SFXN2: variants seen among roughly 807,000 people sequenced by gnomAD.
The protein encoded by SFXN2 is sideroflexin-2.
A neutral mutation model predicts 41.9 loss-of-function variants in SFXN2; 37 were observed. The observed-to-expected ratio is 0.88, with a 90% CI of 0.68 to 1.16. SFXN2 has a LOEUF of 1.16. Ranked by LOEUF, SFXN2 falls within the 50% of genes most tolerant of loss-of-function variation. SFXN2 has a pLI of 0.00. For synonymous variants in SFXN2, 150 were observed against 156.7 expected (o/e 0.96, Z 0.32); for missense variants, 386 against 425.2 (o/e 0.91, Z 0.81).
chr10:102,723,376 C>T (rs1203679472), intron 1 of SFXN2, among the ~76,000 whole-genome samples: 2 of 151,842 alleles, frequency 1.3e-5, no homozygotes, highest in African/African-American at 2.4e-5. Context: ...CTCAGCCTCC[C>T]GAATTGCTGA....
rs2064798270 is a variant in SFXN2 at position 102,737,580 on chromosome 10, G to A, written c.870-83G>A. On this transcript the variant is annotated intron_variant, in intron 11 of 11. Coordinates refer to ENST00000369893, the MANE Select transcript of SFXN2 (RefSeq NM_178858.6). ...AATCCTAGATGGAAAAATCAGGAGGGCTTCTTGGAGGTGATATTCATCTGA... is the reference window on the plus strand; with the variant it reads ...AATCCTAGATGGAAAAATCAGGAGGACTTCTTGGAGGTGATATTCATCTGA... 81 of 855,400 alleles carry A rather than the reference G, an allele frequency of 9.5e-5. No homozygotes were observed. In the South Asian group the frequency reaches 1.0e-3, roughly 11 times the overall value. The allele number at this position is 855,400 out of a possible 1,614,324, so 53.0% of individuals were successfully genotyped here.
chr10:102,718,639 C>A (rs189329204), intron 1 of SFXN2, among the ~76,000 whole-genome samples: 1 of 152,360 alleles, frequency 6.6e-6, no homozygotes, highest in East Asian at 1.9e-4. Context: ...GCTGTGGATA[C>A]TCCATATTGA....
At chr10:102,717,748 A>G in intron 1 of SFXN2, 1 of 985,450 alleles carries the variant, frequency 1.0e-6, no homozygotes, top group Non-Finnish European at 1.2e-6. Context: ...CTTGATGCCA[A>G]GAGACCCAAG....
chr10:102,735,748 C>A, intron 10 of SFXN2, 114 bp from the exon 11 acceptor site: 1 of 1,022,202 alleles, frequency 9.8e-7, no homozygotes, highest in Non-Finnish European at 1.6e-6. Context: ...GGATATGGTG[C>A]CAGCTGGGAA....
rs1842809501 is a variant in SFXN2, at chr10:102,742,915, C to T, written c.*5153C>T. 1 of 152,178 alleles carries T rather than the reference C, an allele frequency of 6.6e-6. No homozygotes were observed. Among genetic ancestry groups the T allele is most frequent in the South Asian group, 2.1e-4 (1 of 4,834 alleles). The allele number at this position is 152,178 out of a possible 1,614,324, so 9.4% of individuals were successfully genotyped here. ...AAGTGTTACAAGAATCCAGAAGAAG[C>T]AGCAAGGAGATGGGGCTAGGAGTTT... is the stretch of plus-strand genomic sequence containing the variant. On this transcript the variant is annotated 3_prime_UTR_variant, in exon 12 of 12. Transcript: ENST00000369893.
At chr10:102,722,879 A>G (rs1374777258) in intron 1 of SFXN2, among the ~76,000 whole-genome samples, 3 of 148,948 alleles carry the variant, frequency 2.0e-5, no homozygotes, top group Non-Finnish European at 4.4e-5. Flanking sequence ...CTTGTAAGTC[A>G]GGTCTGCCAG....
At chr10:102,717,822 C>A (rs192519837) in intron 1 of SFXN2, 2 of 982,768 alleles carry the variant, frequency 2.0e-6, no homozygotes, top group Non-Finnish European at 2.4e-6. Flanking sequence ...AAACATGTAG[C>A]AGTAAACATC....
chr10:102,717,829 C>T, intron 1 of SFXN2: 1 of 979,356 alleles, frequency 1.0e-6, no homozygotes, highest in Non-Finnish European at 1.2e-6. Flanking sequence ...TAGCAGTAAA[C>T]ATCACAGACA....
At chr10:102,721,504 TTA>T (rs201348856) in intron 1 of SFXN2, among the ~76,000 whole-genome samples, 4,551 of 147,956 alleles carry the variant, frequency 0.031, 257 homozygotes, top group African/African-American at 0.1. Context: ...TATATTATTT[TTA>T]TATGTTATAT....
In SFXN2 at chr10:102,715,095, C is replaced by T. The variant is rs926589473; in HGVS notation, c.-26+414C>T. 7.9e-5 allele frequency: 12 copies of T among 152,664 alleles called. 1 individual carries two copies. Among genetic ancestry groups the T allele is most frequent in the African/African-American group, 2.9e-4 (12 of 41,602 alleles). 9.5% of individuals were successfully genotyped at this position (152,664 alleles called of 1,614,324 possible). On this transcript the variant is annotated intron_variant, in intron 1 of 11. Coordinates refer to ENST00000369893, the MANE Select transcript of SFXN2 (RefSeq NM_178858.6). ...TCGCCCGGGCCGGAGTGCGGTGGCG[C>T]GATCTCGGCTCACTGCAGCCTTTGC...
chr10:102,725,928 TTTTG>T (rs780402569), intron 1 of SFXN2, among the ~76,000 whole-genome samples: 22 of 152,058 alleles, frequency 1.4e-4, no homozygotes, highest in Non-Finnish European at 2.8e-4. Flanking sequence ...TTGGGTGTTT[TTTTG>T]TTTGTTTGTT....
intron 2 of SFXN2, 45 bp downstream of exon 2, chr10:102,726,842 TG>T: frequency 6.2e-7 from 1 of 1,608,788 alleles, no homozygotes; most frequent in Non-Finnish European, 8.5e-7. Flanking sequence ...GTAACATTGA[TG>T]GGGTCCTCTT....
Position 102,743,441 on chromosome 10 carries a change from T to TAATAGTG in SFXN2, c.*5680_*5686dup, listed in dbSNP as rs1327963736. On this transcript the variant is annotated 3_prime_UTR_variant, in exon 12 of 12. Transcript: ENST00000369893. ...GTTGAGACCAAGAGAGGCATCCTGG[T>TAATAGTG]AATAGTGCTGTGCTTCAAGACAAAA... 6.6e-6 allele frequency: 1 copy of TAATAGTG among 152,306 alleles called. No individual in the cohort carries two copies. The highest frequency in any genetic ancestry group is 2.4e-5 in the African/African-American group (1 of 41,468). 9.4% of individuals were successfully genotyped at this position (152,306 alleles called of 1,614,324 possible).
rs376549633 is a variant in SFXN2 at position 102,742,523 on chromosome 10, A to C, written c.*4761A>C. The stretch of plus-strand genomic sequence containing the variant: ...CAGGCTGGAGTACAGTGGCACAATC[A>C]AGGCTCATTGCAGCTTCAATCTCCC... On this transcript the variant is annotated 3_prime_UTR_variant, in exon 12 of 12. Coordinates refer to ENST00000369893, the MANE Select transcript of SFXN2 (RefSeq NM_178858.6). The C allele has an allele frequency of 6.7e-6, 1 of 149,892 alleles. No individual in the cohort carries two copies. Among genetic ancestry groups the C allele is most frequent in the African/African-American group, 2.5e-5 (1 of 40,236 alleles). The allele number at this position is 149,892 out of a possible 1,614,324, so 9.3% of individuals were successfully genotyped here. A position where few individuals can be genotyped will look rare whatever the true frequency, so the allele number is the denominator to read the frequency against.
intron 8 of SFXN2, among the ~76,000 whole-genome samples, chr10:102,732,478 G>T (rs1457549101): frequency 2.6e-5 from 4 of 152,354 alleles, no homozygotes; most frequent in South Asian, 4.1e-4. Flanking sequence ...ACAGTGTGGG[G>T]TGCTAGGGAG....
rs974065590 is a variant in SFXN2, at chr10:102,738,442, C to T, written c.*680C>T. The T allele has an allele frequency of 2.0e-5, 3 of 152,188 alleles. No homozygotes were observed. The highest frequency in any genetic ancestry group is 2.9e-5 in the Non-Finnish European group (2 of 68,084). The allele number at this position is 152,188 out of a possible 1,614,324, so 9.4% of individuals were successfully genotyped here. A position where few individuals can be genotyped will look rare whatever the true frequency, so the allele number is the denominator to read the frequency against. On this transcript the variant is annotated 3_prime_UTR_variant, in exon 12 of 12. Transcript: ENST00000369893. Reference sequence around the variant, plus strand: ...CTCTCAAGTAGCTGGGATTACAGGGCACCTGCCACCACGCCTGGCTAATTT... The same window carrying T: ...CTCTCAAGTAGCTGGGATTACAGGGTACCTGCCACCACGCCTGGCTAATTT...
At chr10:102,733,747 G>C in intron 10 of SFXN2, 144 bp downstream of exon 10, 1 of 703,588 alleles carries the variant, frequency 1.4e-6, no homozygotes, top group South Asian at 1.7e-5. Flanking sequence ...GGTCCATCTG[G>C]AAAGCTCTCA....
At position 102,729,328 on chromosome 10, in the gene SFXN2, C is replaced by T. The variant is rs1156903669; in HGVS notation, c.441C>T (p.Ala147=). The change falls in exon 5 of 12, where the codon GCC becomes GCT. Residue 147 remains alanine, a synonymous_variant. Coordinates refer to ENST00000369893, the MANE Select transcript of SFXN2 (RefSeq NM_178858.6). ...AASPTSVRQM[A]LSYFTATTTA... ...CTCTCTCCTCCCCCAGGCAGATGGC[C>T]CTTTCCTACTTCACAGCCACAACCA... is the stretch of plus-strand genomic sequence containing the variant. 2.5e-6 allele frequency: 4 copies of T among 1,614,054 alleles called. No individual in the cohort carries two copies. The highest frequency in any genetic ancestry group is 3.4e-6 in the Non-Finnish European group (4 of 1,180,010).
chr10:102,737,500 G>T lies in SFXN2; in HGVS notation c.870-163G>T, dbSNP rs2064797366. Among the ~76,000 whole-genome samples, 4 of 152,192 alleles carry T rather than the reference G, an allele frequency of 2.6e-5. No individual in the cohort carries two copies. In the South Asian group the frequency reaches 8.3e-4, roughly 31 times the overall value. On this transcript the variant is annotated intron_variant, in intron 11 of 11. Transcript: ENST00000369893. The stretch of plus-strand genomic sequence containing the variant: ...CGAAGAACCATAGCCCAAGGAGAAT[G>T]AAGTCAGGCCTGCGTAATGGTAAAG...
Sources: allele counts gnomAD v4.1 joint callset (sites outside exome capture counted in the v4.1 genomes callset), GRCh38; gene constraint gnomAD v4.1.1; transcripts MANE v1.5; gene names NCBI Gene and HGNC (gene_info 2026-07-23, HGNC 2026-07-21).